The following MAP2K4 variants were observed in gnomAD, a reference collection of about 807,000 sequenced individuals.
The protein encoded by MAP2K4 is dual specificity mitogen-activated protein kinase kinase 4.
MAP2K4 carries 4 observed loss-of-function variants against 48.5 expected under a neutral mutation model. The observed-to-expected ratio is 0.08, with a 90% CI of 0.04 to 0.19. The LOEUF (loss-of-function observed/expected upper bound fraction) is 0.19. Ranked by LOEUF, MAP2K4 falls within the 10% of genes least tolerant of loss-of-function variation. The pLI, the probability that MAP2K4 is intolerant of heterozygous loss-of-function variation, is 1.00. For synonymous variants in MAP2K4, 166 were observed against 173.1 expected (o/e 0.96, Z 0.32); for missense variants, 258 against 493.3 (o/e 0.52, Z 4.52).
intron 10 of MAP2K4, 66 bp downstream of exon 10, chr17:12,139,950 C>G: frequency 8.7e-7 from 1 of 1,144,382 alleles, no homozygotes; most frequent in South Asian, 2.0e-5. Context: ...CATGCTGGTT[C>G]ACTAAGCAAG....
At chr17:12,043,020 C>T (rs1277867599) in intron 1 of MAP2K4, among the ~76,000 whole-genome samples, 2 of 151,686 alleles carry the variant, frequency 1.3e-5, no homozygotes, top group African/African-American at 4.8e-5. Context: ...GCACCCCAGC[C>T]TGGGCGACAG....
chr17:12,104,075 A>G (rs1972029823), intron 4 of MAP2K4, among the ~76,000 whole-genome samples: 1 of 152,202 alleles, frequency 6.6e-6, no homozygotes, highest in Non-Finnish European at 1.5e-5. Flanking sequence ...AATGTCTCCA[A>G]CTGGAGTACC....
chr17:12,048,225 G>A (rs1397423443), intron 1 of MAP2K4, among the ~76,000 whole-genome samples: 1 of 152,170 alleles, frequency 6.6e-6, no homozygotes, highest in Non-Finnish European at 1.5e-5. Flanking sequence ...TTGTGGAGGG[G>A]TCAGCTACCT....
intron 2 of MAP2K4, among the ~76,000 whole-genome samples, chr17:12,072,370 G>A (rs896494666): frequency 6.6e-5 from 10 of 152,194 alleles, no homozygotes; most frequent in African/African-American, 2.4e-4. Flanking sequence ...CAAGAGTGAA[G>A]TCTGCGTTTT....
chr17:12,060,452 T>C (rs1371276884), intron 2 of MAP2K4, among the ~76,000 whole-genome samples: 1 of 152,168 alleles, frequency 6.6e-6, no homozygotes, highest in East Asian at 1.9e-4. Context: ...GACTGAAGTG[T>C]TTGTGAGGTG....
At chr17:12,123,076 G>T (rs963359857) in intron 7 of MAP2K4, among the ~76,000 whole-genome samples, 5 of 152,084 alleles carry the variant, frequency 3.3e-5, no homozygotes, top group East Asian at 1.9e-4. Context: ...GCTATTAATT[G>T]TCTTGTAATG....
chr17:12,025,265 CTCA>C (rs1969219615), intron 1 of MAP2K4, among the ~76,000 whole-genome samples: 1 of 152,150 alleles, frequency 6.6e-6, no homozygotes, highest in South Asian at 2.1e-4. Flanking sequence ...TCAGAAATTT[CTCA>C]TCTGTTAAAA....
intron 2 of MAP2K4, among the ~76,000 whole-genome samples, chr17:12,066,136 CTTT>C (rs56698550): frequency 9.8e-6 from 1 of 101,828 alleles, no homozygotes. Flanking sequence ...TTCTTTCTTT[CTTT>C]TTTTTTTTTT....
At chr17:12,070,239 G>T in intron 2 of MAP2K4, among the ~76,000 whole-genome samples, 1 of 151,796 alleles carries the variant, frequency 6.6e-6, no homozygotes, top group East Asian at 1.9e-4. Flanking sequence ...AGTAGACATT[G>T]TCAAGTTTGA....
intron 1 of MAP2K4, among the ~76,000 whole-genome samples, chr17:12,052,610 G>A (rs28918107): frequency 0.17 from 25,567 of 152,008 alleles, 2,523 homozygotes; most frequent in South Asian, 0.3. Context: ...TTCTGTCCTT[G>A]TCTTGCATTT....
chr17:12,116,383 TTATAAACAC>T lies in MAP2K4; in HGVS notation c.813+3025_813+3033del, dbSNP rs1301762418. Among the ~76,000 whole-genome samples the T allele has an allele frequency of 4.6e-5, 7 of 152,248 alleles. No individual in the cohort carries two copies. In the South Asian group the frequency reaches 8.3e-4, roughly 18 times the overall value. On this transcript the variant is annotated intron_variant, in intron 7 of 10. Transcript: ENST00000353533. ...CAGGCCTAGGATGCTACTGTAGACT[TTATAAACAC>T]TGTACACTTAGGCTACATGACATTT...
intron 2 of MAP2K4, among the ~76,000 whole-genome samples, chr17:12,080,384 A>C (rs1391079656): frequency 6.6e-6 from 1 of 152,226 alleles, no homozygotes; most frequent in Non-Finnish European, 1.5e-5. Flanking sequence ...TTGTTCCTAC[A>C]CATTGGGGTT....
At chr17:12,118,691 T>C (rs890848217) in intron 7 of MAP2K4, among the ~76,000 whole-genome samples, 2 of 152,196 alleles carry the variant, frequency 1.3e-5, no homozygotes, top group African/African-American at 4.8e-5. Flanking sequence ...GAAGGGTAAA[T>C]ATAAAAACAC....
At chr17:12,102,901 A>C (rs1200566258) in intron 4 of MAP2K4, among the ~76,000 whole-genome samples, 1 of 150,606 alleles carries the variant, frequency 6.6e-6, no homozygotes, top group Non-Finnish European at 1.5e-5. Flanking sequence ...CCTCCCTCCC[A>C]CTTGTTTCTG....
chr17:12,111,712 T>C (rs1972311820), intron 6 of MAP2K4, among the ~76,000 whole-genome samples: 1 of 152,176 alleles, frequency 6.6e-6, no homozygotes, highest in African/African-American at 2.4e-5. Flanking sequence ...ATCAGTTAGC[T>C]TTTTTGTTGG....
intron 1 of MAP2K4, among the ~76,000 whole-genome samples, chr17:12,052,743 T>C (rs1420226331): frequency 6.6e-6 from 1 of 152,220 alleles, no homozygotes; most frequent in Non-Finnish European, 1.5e-5. Context: ...AAAGATTTTC[T>C]TCAAATTGTG....
chr17:12,139,952 C>A, intron 10 of MAP2K4, 68 bp downstream of exon 10: 1 of 1,121,378 alleles, frequency 8.9e-7, no homozygotes, highest in South Asian at 2.1e-5. Context: ...TGCTGGTTCA[C>A]TAAGCAAGCA....
At chr17:12,127,025 A>T (rs185072207) in intron 8 of MAP2K4, among the ~76,000 whole-genome samples, 1 of 152,136 alleles carries the variant, frequency 6.6e-6, no homozygotes, top group East Asian at 1.9e-4. Flanking sequence ...CTTATTAAAT[A>T]ATCTTCATTT....
Position 12,063,299 on chromosome 17 carries a change from G to A in MAP2K4, c.218+8308G>A, listed in dbSNP as rs57427608. On this transcript the variant is annotated intron_variant, in intron 2 of 10. Coordinates refer to ENST00000353533, the MANE Select transcript of MAP2K4 (RefSeq NM_003010.4). ...TGGTGGAAGGATATTAAGGATAAACGAATAGATCAATGCAATATAATAGAA... is the reference window on the plus strand; with the variant it reads ...TGGTGGAAGGATATTAAGGATAAACAAATAGATCAATGCAATATAATAGAA... Among the ~76,000 whole-genome samples, 11 of 152,150 alleles carry A rather than the reference G, an allele frequency of 7.2e-5. 1 individual carries two copies. In the South Asian group the frequency reaches 2.1e-3, roughly 29 times the overall value.
Sources: gnomAD v4.1 joint callset for allele counts (sites outside exome capture counted in the v4.1 genomes callset) on GRCh38, gnomAD v4.1.1 for gene constraint, MANE v1.5 for transcripts, NCBI Gene and HGNC (gene_info 2026-07-23, HGNC 2026-07-21) for gene names.